The following ADGRG6 variants were observed in gnomAD, a reference collection of about 807,000 sequenced individuals.
ADGRG6 encodes the protein adhesion G protein-coupled receptor G6.
A neutral mutation model predicts 142.4 loss-of-function variants in ADGRG6; 84 were observed. The ratio of observed to expected loss-of-function variants is 0.59; its 90% CI spans 0.49 to 0.71. ADGRG6 has a LOEUF of 0.71. Among genes scored for constraint, ADGRG6 ranks in the 30% least tolerant of loss-of-function variants. The pLI, the probability that ADGRG6 is intolerant of heterozygous loss-of-function variation, is 0.00. For synonymous variants in ADGRG6, 521 were observed against 520.5 expected (o/e 1.00, Z -0.01); for missense variants, 1,367 against 1,466.6 (o/e 0.93, Z 1.11).
chr6:142,358,512 G>A (rs190058524), intron 2 of ADGRG6, among the ~76,000 whole-genome samples: 49 of 152,210 alleles, frequency 3.2e-4, no homozygotes, highest in Admixed American at 1.0e-3. Context: ...CTTTCTTCTC[G>A]TCATTTGTCA....
At chr6:142,406,188 G>C (rs1211841503) in intron 15 of ADGRG6, among the ~76,000 whole-genome samples, 1 of 14,186 alleles carries the variant, frequency 7.0e-5, no homozygotes, top group Non-Finnish European at 1.2e-4. Flanking sequence ...CCAAAGGAAA[G>C]GGTTTTTTTT....
intron 18 of ADGRG6, among the ~76,000 whole-genome samples, chr6:142,413,164 T>C (rs1445798554): frequency 6.6e-6 from 1 of 152,160 alleles, no homozygotes; most frequent in Non-Finnish European, 1.5e-5. Context: ...TGTTCTCTTA[T>C]CTTTTCAGTT....
In ADGRG6 at chr6:142,397,488, T is replaced by C. The variant is rs78508646; in HGVS notation, c.1425-125T>C. 5.2e-3 allele frequency: 3,770 copies of C among 719,088 alleles called. 98 individuals carry two copies. The African/African-American group carries it at 0.056, about 11-fold the overall frequency. The allele number at this position is 719,088 out of a possible 1,614,324, so 44.5% of individuals were successfully genotyped here. A position where few individuals can be genotyped will look rare whatever the true frequency, so the allele number is the denominator to read the frequency against. Reference sequence around the variant, plus strand: ...CAGCAGAGAAAGTCTGTGAGCACCTTGGCTAATCTCTTCAGTCTCAACAGG... The same window carrying C: ...CAGCAGAGAAAGTCTGTGAGCACCTCGGCTAATCTCTTCAGTCTCAACAGG... On this transcript the variant is annotated intron_variant, in intron 9 of 24. Coordinates refer to ENST00000367609, the MANE Select transcript of ADGRG6 (RefSeq NM_198569.3).
At chr6:142,358,367 T>C (rs1322513801) in intron 2 of ADGRG6, among the ~76,000 whole-genome samples, 1 of 152,240 alleles carries the variant, frequency 6.6e-6, no homozygotes, top group African/African-American at 2.4e-5. Flanking sequence ...GAGTAGTCAC[T>C]TTGCTGCTTT....
chr6:142,326,453 T>C (rs1033754955), intron 2 of ADGRG6, among the ~76,000 whole-genome samples: 26 of 151,910 alleles, frequency 1.7e-4, no homozygotes, highest in African/African-American at 6.3e-4. Flanking sequence ...AATTGGCATA[T>C]CTTGCTGGAC....
At chr6:142,343,717 T>G (rs1387303822) in intron 2 of ADGRG6, among the ~76,000 whole-genome samples, 1 of 151,894 alleles carries the variant, frequency 6.6e-6, no homozygotes, top group East Asian at 1.9e-4. Flanking sequence ...ATAGTAACAT[T>G]AAATCATCCA....
chr6:142,366,343 GA>G (rs1780940456), intron 2 of ADGRG6, among the ~76,000 whole-genome samples: 1 of 152,096 alleles, frequency 6.6e-6, no homozygotes, highest in Non-Finnish European at 1.5e-5. Flanking sequence ...CATTCCATGG[GA>G]AAAACCAATG....
chr6:142,357,425 T>C (rs928339955), intron 2 of ADGRG6, among the ~76,000 whole-genome samples: 9 of 152,208 alleles, frequency 5.9e-5, no homozygotes, highest in Non-Finnish European at 1.2e-4. Context: ...TAAAAAAACA[T>C]TATTTAAAAA....
chr6:142,352,177 C>T (rs1004349539), intron 2 of ADGRG6, among the ~76,000 whole-genome samples: 2 of 152,142 alleles, frequency 1.3e-5, no homozygotes, highest in African/African-American at 4.8e-5. Context: ...ATGTTCATTG[C>T]AGCACTATTC....
chr6:142,364,374 A>C (rs1272302701), intron 2 of ADGRG6, among the ~76,000 whole-genome samples: 1 of 152,174 alleles, frequency 6.6e-6, no homozygotes, highest in Non-Finnish European at 1.5e-5. Context: ...TGTTCTTCTG[A>C]ATTCATGTTA....
intron 2 of ADGRG6, among the ~76,000 whole-genome samples, chr6:142,337,927 T>G (rs942441743): frequency 5.3e-5 from 8 of 151,680 alleles, no homozygotes; most frequent in African/African-American, 1.9e-4. Context: ...ATCTGATCAT[T>G]TATATACATC....
chr6:142,342,472 A>G (rs570495277), intron 2 of ADGRG6, among the ~76,000 whole-genome samples: 1 of 152,218 alleles, frequency 6.6e-6, no homozygotes, highest in South Asian at 2.1e-4. Context: ...TTTAGGAGAT[A>G]AGATTCCTGC....
At chr6:142,419,530 G>A (rs767673087) in intron 21 of ADGRG6, among the ~76,000 whole-genome samples, 8 of 152,126 alleles carry the variant, frequency 5.3e-5, no homozygotes, top group Non-Finnish European at 1.0e-4. Context: ...GACATGGCTT[G>A]GAACAAGTCA....
chr6:142,302,273 G>A lies in ADGRG6; in HGVS notation c.-57G>A. 1 of 1,603,964 alleles carries A rather than the reference G, an allele frequency of 6.2e-7. No individual in the cohort carries two copies. Among genetic ancestry groups the A allele is most frequent in the Non-Finnish European group, 8.5e-7 (1 of 1,174,518 alleles). On this transcript the variant is annotated 5_prime_UTR_variant, in exon 1 of 25. Transcript: ENST00000367609. ...GGGTGGAGCAGCGGCAGCAGAGCGGGAAAGTGGTGGAGGATGATCTTGCGG... is the reference window on the plus strand; with the variant it reads ...GGGTGGAGCAGCGGCAGCAGAGCGGAAAAGTGGTGGAGGATGATCTTGCGG...
intron 20 of ADGRG6, 59 bp downstream of exon 20, chr6:142,416,123 C>G: frequency 7.8e-7 from 1 of 1,277,238 alleles, no homozygotes; most frequent in Non-Finnish European, 1.1e-6. Context: ...GCCAGATTCT[C>G]ATAGGAAAAA....
intron 22 of ADGRG6, among the ~76,000 whole-genome samples, chr6:142,435,824 T>A (rs1221422535): frequency 1.3e-5 from 2 of 152,082 alleles, no homozygotes; most frequent in Non-Finnish European, 2.9e-5. Context: ...AGGTTAAAAT[T>A]AAAAATAAAA....
At chr6:142,440,890 CA>C in intron 24 of ADGRG6, 1 of 1,298,526 alleles carries the variant, frequency 7.7e-7, no homozygotes, top group Non-Finnish European at 1.1e-6. Flanking sequence ...TCTAGATATT[CA>C]TATGTTTATG....
chr6:142,354,655 A>G (rs1445245460), intron 2 of ADGRG6, among the ~76,000 whole-genome samples: 2 of 152,234 alleles, frequency 1.3e-5, no homozygotes, highest in African/African-American at 4.8e-5. Flanking sequence ...AGAAATCTGT[A>G]AAACATTGTA....
intron 4 of ADGRG6, among the ~76,000 whole-genome samples, chr6:142,371,345 A>T (rs1363702250): frequency 1.3e-5 from 2 of 151,766 alleles, no homozygotes; most frequent in African/African-American, 2.4e-5. Flanking sequence ...GTATTTTTTT[A>T]AAATAGAGAT....
Sources: gnomAD v4.1 joint callset for allele counts (sites outside exome capture counted in the v4.1 genomes callset) on GRCh38, gnomAD v4.1.1 for gene constraint, MANE v1.5 for transcripts, NCBI Gene and HGNC (gene_info 2026-07-23, HGNC 2026-07-21) for gene names.